LYPD5: variants seen among roughly 807,000 people sequenced by gnomAD.
The protein encoded by LYPD5 is LY6/PLAUR domain containing 5.
In LYPD5, 21 loss-of-function variants were observed where a neutral mutation model predicts 19.1. The ratio of observed to expected loss-of-function variants is 1.10; its 90% CI spans 0.78 to 1.58. The LOEUF is 1.58. Ranked by LOEUF, LYPD5 falls within the 40% of genes most tolerant of loss-of-function variation. LYPD5 has a pLI of 0.00. For missense variants in LYPD5, 287 were observed against 329.8 expected (o/e 0.87, Z 1.00); for synonymous variants, 128 against 142.7 (o/e 0.90, Z 0.74).
In LYPD5 at chr19:43,798,488, C is replaced by T. The variant is rs764545899; in HGVS notation, c.484G>A (p.Ala162Thr). ...RRVQCHQDQT[A>T]CFQGNGRMTV... The stretch of plus-strand genomic sequence containing the variant: ...ATTCTGCCATTGCCCTGGAAGCAGG[C>T]GGTCTGGTCCTGGTGACACTGGACT... Residue 162 changes from alanine to threonine, a missense_variant, in exon 4 of 5, where the codon GCC (alanine) becomes ACC (threonine). Physicochemically the swap from Ala to Thr is moderately conservative, Grantham distance 58 (BLOSUM62 0). Transcript: ENST00000377950. 6.2e-7 allele frequency: 1 copy of T among 1,609,102 alleles called. No individual in the cohort carries two copies. The highest frequency in any genetic ancestry group is 1.3e-5 in the African/African-American group (1 of 75,064).
At chr19:43,813,622 T>C (rs1970344857) in intron 1 of LYPD5, among the ~76,000 whole-genome samples, 2 of 152,350 alleles carry the variant, frequency 1.3e-5, no homozygotes, top group East Asian at 1.9e-4. Context: ...CTTACTTTCA[T>C]GGGATGGATC....
chr19:43,805,670 G>C (rs189658323), upstream of LYPD5, among the ~76,000 whole-genome samples: 1 of 152,150 alleles, frequency 6.6e-6, no homozygotes, highest in Non-Finnish European at 1.5e-5. Flanking sequence ...ACCATGCCTG[G>C]CTAATTTTTG....
rs1185550797 is a variant in LYPD5 at position 43,796,850 on chromosome 19, G to A, written c.*741C>T. 6.6e-6 allele frequency: 1 copy of A among 152,222 alleles called. No homozygotes were observed. The highest frequency in any genetic ancestry group is 1.5e-5 in the Non-Finnish European group (1 of 68,052). The allele number at this position is 152,222 out of a possible 1,614,324, so 9.4% of individuals were successfully genotyped here. A position where few individuals can be genotyped will look rare whatever the true frequency, so the allele number is the denominator to read the frequency against. ...TCGTTGAATCCTCACTGCAACTACT[G>A]TGAAGTAGTTCTTGTCATGTTATAG... On this transcript the variant is annotated 3_prime_UTR_variant, in exon 5 of 5. Transcript: ENST00000377950.
chr19:43,819,442 T>G (rs1462251921), intron 1 of LYPD5, among the ~76,000 whole-genome samples: 1 of 152,022 alleles, frequency 6.6e-6, no homozygotes, highest in Non-Finnish European at 1.5e-5. Context: ...TTATTAGTTC[T>G]AGCGGGTTAC....
rs1485494764 is a variant in LYPD5, at chr19:43,799,701, C to T, written c.193+5G>A. 1 of 1,612,912 alleles carries T rather than the reference C, an allele frequency of 6.2e-7. No homozygotes were observed. Among genetic ancestry groups the T allele is most frequent in the East Asian group, 2.2e-5 (1 of 44,854 alleles). ...CATCCCTGTCCCCCGGCTCCCGCTCCTTACCGGTGTCCAGAGACAGGATAG... is the reference window on the plus strand; with the variant it reads ...CATCCCTGTCCCCCGGCTCCCGCTCTTTACCGGTGTCCAGAGACAGGATAG... On this transcript the variant is annotated splice_donor_5th_base_variant and intron_variant, in intron 2 of 4. Transcript: ENST00000377950.
Position 43,798,831 on chromosome 19 carries a change from G to A in LYPD5, c.351C>T (p.Ala117=). The change falls in exon 3 of 5, where the codon GCC becomes GCT. Residue 117 remains alanine (A), a synonymous_variant. Coordinates refer to ENST00000377950, the MANE Select transcript of LYPD5 (RefSeq NM_001031749.3). ...GCGCACCTTGGCTCAGGTTGGGGAG[G>A]GCGTCATGAGTCATGAGGTGGGCGT... The part of the protein sequence containing the change: ...KCNAHLMTHD[A]LPNLSQAPDP... 1 of 1,610,558 alleles carries A rather than the reference G, an allele frequency of 6.2e-7. No homozygotes were observed.
intron 1 of LYPD5, chr19:43,815,751 T>C (rs1184362589): frequency 7.1e-6 from 3 of 421,848 alleles, no homozygotes; most frequent in Middle Eastern, 7.6e-4. Context: ...TTTTATTTTA[T>C]TTTTGAGACG....
At chr19:43,806,841 T>C (rs966503260), upstream of LYPD5, among the ~76,000 whole-genome samples, 1 of 152,158 alleles carries the variant, frequency 6.6e-6, no homozygotes, top group Non-Finnish European at 1.5e-5. Flanking sequence ...ACTCCCCAGG[T>C]CCATGGAAAA....
chr19:43,800,198 C>T (rs964916965), intron 1 of LYPD5, among the ~76,000 whole-genome samples: 29 of 152,140 alleles, frequency 1.9e-4, no homozygotes, highest in African/African-American at 7.0e-4. Flanking sequence ...AGTAAGAGAC[C>T]CCTGACAAGA....
intron 1 of LYPD5, among the ~76,000 whole-genome samples, chr19:43,814,561 C>T (rs1457248638): frequency 6.6e-6 from 1 of 152,178 alleles, no homozygotes; most frequent in East Asian, 1.9e-4. Flanking sequence ...GATTTACCTT[C>T]ACCACTGCCT....
In LYPD5 at chr19:43,798,827, G is replaced by T; in HGVS notation, c.355C>A (p.Pro119Thr). The change falls in exon 3 of 5, where the codon CCC becomes ACC. Residue 119 changes from proline (P) to threonine (T), a missense_variant. Coordinates refer to ENST00000377950, the MANE Select transcript of LYPD5 (RefSeq NM_001031749.3). ...NAHLMTHDAL[P>T]NLSQAPDPPT... is the part of the protein sequence containing the mutation. Reference sequence around the variant, plus strand: ...TCCCGCGCACCTTGGCTCAGGTTGGGGAGGGCGTCATGAGTCATGAGGTGG... The same window carrying T: ...TCCCGCGCACCTTGGCTCAGGTTGGTGAGGGCGTCATGAGTCATGAGGTGG... The T allele has an allele frequency of 6.2e-7, 1 of 1,610,198 alleles. No homozygotes were observed. Among genetic ancestry groups the T allele is most frequent in the African/African-American group, 1.3e-5 (1 of 75,012 alleles).
At chr19:43,800,940 G>A (rs951018143) in intron 1 of LYPD5, among the ~76,000 whole-genome samples, 4 of 142,728 alleles carry the variant, frequency 2.8e-5, no homozygotes, top group Non-Finnish European at 3.0e-5. Flanking sequence ...CAGCCTGGGC[G>A]GCGACAGAGG....
chr19:43,799,654 C>G, intron 2 of LYPD5, 52 bp downstream of exon 2: 4 of 1,559,790 alleles, frequency 2.6e-6, no homozygotes, highest in Non-Finnish European at 3.5e-6. Context: ...CCCCTCTCCC[C>G]CCTTTTTCCT....
At chr19:43,809,398 A>G (rs1970300005) in intron 1 of LYPD5, among the ~76,000 whole-genome samples, 1 of 144,876 alleles carries the variant, frequency 6.9e-6, no homozygotes, top group Non-Finnish European at 1.5e-5. Flanking sequence ...TTATTTATTT[A>G]AGACAGAGCT....
At chr19:43,815,944 G>A (rs1319115826) in intron 1 of LYPD5, among the ~76,000 whole-genome samples, 1 of 152,070 alleles carries the variant, frequency 6.6e-6, no homozygotes, top group Non-Finnish European at 1.5e-5. Flanking sequence ...ATGTTGGCCA[G>A]GCTGGTCTCG....
chr19:43,808,386 G>A (rs957522239), intron 1 of LYPD5, among the ~76,000 whole-genome samples: 8 of 152,198 alleles, frequency 5.3e-5, no homozygotes, highest in South Asian at 2.1e-4. Context: ...GGTTACAGGC[G>A]TGAGCCACTG....
Position 43,798,919 on chromosome 19 carries a change from G to A in LYPD5, c.263C>T (p.Ser88Leu), listed in dbSNP as rs549894933. 1.1e-5 allele frequency: 17 copies of A among 1,595,224 alleles called. No homozygotes were observed. The African/African-American group carries it at 2.1e-4, about 20-fold the overall frequency. ...GTCTGGCGGCAGCGCGTCCGCGTTC[G>A]ATTGCGTCTGGCCCGCAGGAGGCCC... Reference protein sequence around the residue: ...WTGPPAGQTQSNADALPPDYS... With the variant: ...WTGPPAGQTQLNADALPPDYS... Residue 88 changes from serine to leucine, a missense_variant, in exon 3 of 5, where the codon TCG becomes TTG. Coordinates refer to ENST00000377950, the MANE Select transcript of LYPD5 (RefSeq NM_001031749.3).
chr19:43,802,468 AC>A, upstream of LYPD5: 1 of 1,248,792 alleles, frequency 8.0e-7, no homozygotes, highest in Non-Finnish European at 1.1e-6. Context: ...CATCCCGGCC[AC>A]CCAGCCTGGC....
At chr19:43,800,027 T>TCTG (rs1446000921) in intron 1 of LYPD5, 193 bp from the exon 2 acceptor site, 1 of 589,682 alleles carries the variant, frequency 1.7e-6, no homozygotes, top group Non-Finnish European at 2.8e-6. Context: ...TAATGACCTC[T>TCTG]CTGCAGCTGA....
Sources: gnomAD v4.1 joint callset for allele counts (sites outside exome capture counted in the v4.1 genomes callset) on GRCh38, gnomAD v4.1.1 for gene constraint, MANE v1.5 for transcripts, NCBI Gene and HGNC (gene_info 2026-07-23, HGNC 2026-07-21) for gene names.